The following CEP128 variants were observed in gnomAD, a reference collection of about 807,000 sequenced individuals.
CEP128 encodes the protein centrosomal protein 128, also known as centrosomal protein 128kDa.
Under a neutral mutation model 156.7 loss-of-function variants are expected in CEP128, and 132 were observed. That is an observed-to-expected ratio of 0.84 (90% CI 0.73 to 0.97). The LOEUF is 0.97. CEP128 is among the 50% of genes least tolerant of loss of function. CEP128 has a pLI of 0.00. For synonymous variants in CEP128, 469 were observed against 448.9 expected (o/e 1.04, Z -0.57); for missense variants, 1,252 against 1,281.9 (o/e 0.98, Z 0.36).
chr14:80,900,335 G>A (rs913299948), intron 6 of CEP128, among the ~76,000 whole-genome samples: 11 of 152,150 alleles, frequency 7.2e-5, no homozygotes, highest in African/African-American at 1.4e-4. Context: ...AAGAGAGAGC[G>A]AGAAAGAAGG....
chr14:80,582,439 G>A (rs562074810), intron 19 of CEP128, among the ~76,000 whole-genome samples: 2 of 152,270 alleles, frequency 1.3e-5, no homozygotes, highest in Non-Finnish European at 2.9e-5. Context: ...ACTAGAGCAG[G>A]TCTGGATGGG....
chr14:80,519,110 C>A (rs1888622452), intron 23 of CEP128, among the ~76,000 whole-genome samples: 2 of 152,214 alleles, frequency 1.3e-5, no homozygotes, highest in Admixed American at 1.3e-4. Flanking sequence ...ATAATCCCAG[C>A]TTTTGCTTCT....
chr14:80,772,418 C>T (rs1169241607), intron 16 of CEP128, among the ~76,000 whole-genome samples: 2 of 152,128 alleles, frequency 1.3e-5, no homozygotes, highest in Non-Finnish European at 2.9e-5. Context: ...TCTTCCCACT[C>T]CATCCCCCCT....
At chr14:80,850,285 C>T (rs1886824932) in intron 9 of CEP128, among the ~76,000 whole-genome samples, 1 of 152,008 alleles carries the variant, frequency 6.6e-6, no homozygotes, top group African/African-American at 2.4e-5. Flanking sequence ...GAGGCTAGTG[C>T]CAAGTACACT....
intron 19 of CEP128, among the ~76,000 whole-genome samples, chr14:80,583,219 G>A (rs1214626930): frequency 1.3e-5 from 2 of 152,148 alleles, no homozygotes; most frequent in Non-Finnish European, 2.9e-5. Flanking sequence ...ACTTGGGATG[G>A]CTGAATAAAA....
chr14:80,604,383 T>G (rs1238970991), intron 19 of CEP128, among the ~76,000 whole-genome samples: 3 of 152,226 alleles, frequency 2.0e-5, no homozygotes, highest in African/African-American at 7.2e-5. Context: ...GATATGGGAA[T>G]AGAGGAGAAG....
At chr14:80,776,968 T>C (rs1253886628) in intron 16 of CEP128, among the ~76,000 whole-genome samples, 1 of 152,130 alleles carries the variant, frequency 6.6e-6, no homozygotes, top group East Asian at 1.9e-4. Context: ...CTCAATAATT[T>C]TACACATCTA....
In CEP128 at chr14:80,535,896, T is replaced by C. The variant is rs118144126; in HGVS notation, c.2881-5010A>G. ...GATGTTTTATGTATTTCCTCTAGACTAAGGGCAAGATCAAGTGGTAGAGGC... is the reference window on the plus strand; with the variant it reads ...GATGTTTTATGTATTTCCTCTAGACCAAGGGCAAGATCAAGTGGTAGAGGC... On this transcript the variant is annotated intron_variant, in intron 21 of 24. Coordinates refer to ENST00000555265, the MANE Select transcript of CEP128 (RefSeq NM_152446.5). Among the ~76,000 whole-genome samples, 156 of 152,304 alleles carry C rather than the reference T, an allele frequency of 1.0e-3. 7 individuals carry two copies. The South Asian group carries it at 0.02, about 19-fold the overall frequency.
chr14:80,768,966 T>C (rs1269572151), intron 16 of CEP128, among the ~76,000 whole-genome samples: 1 of 152,228 alleles, frequency 6.6e-6, no homozygotes, highest in African/African-American at 2.4e-5. Flanking sequence ...AATGATACTT[T>C]ATGCATTCAT....
intron 20 of CEP128, among the ~76,000 whole-genome samples, chr14:80,575,089 T>C (rs1891301623): frequency 6.7e-6 from 1 of 149,182 alleles, no homozygotes; most frequent in African/African-American, 2.4e-5. Flanking sequence ...TATTTTATTA[T>C]AGATTTATAT....
chr14:80,560,869 G>A (rs533802873), intron 20 of CEP128, among the ~76,000 whole-genome samples: 1 of 152,206 alleles, frequency 6.6e-6, no homozygotes, highest in East Asian at 1.9e-4. Context: ...GATCGTGCAA[G>A]TTAATACTGA....
chr14:80,490,363 T>C (rs1465176691), downstream of CEP128: 1 of 152,150 alleles, frequency 6.6e-6, no homozygotes, highest in Non-Finnish European at 1.5e-5. Flanking sequence ...GCCACTGGTA[T>C]AGAGAAGAAA....
chr14:80,771,452 A>C (rs1473099605), intron 16 of CEP128, among the ~76,000 whole-genome samples: 1 of 152,176 alleles, frequency 6.6e-6, no homozygotes, highest in Non-Finnish European at 1.5e-5. Flanking sequence ...TATAACTACC[A>C]TTTTTTAAAG....
intron 19 of CEP128, among the ~76,000 whole-genome samples, chr14:80,618,424 A>G (rs1893321006): frequency 6.6e-6 from 1 of 152,266 alleles, no homozygotes; most frequent in Middle Eastern, 3.2e-3. Context: ...TGGCAAGAAG[A>G]TGGCTCTAGC....
At chr14:80,502,584 C>A (rs1887788309) in intron 24 of CEP128, among the ~76,000 whole-genome samples, 1 of 151,976 alleles carries the variant, frequency 6.6e-6, no homozygotes, top group African/African-American at 2.4e-5. Context: ...TTTCTTTACT[C>A]TTTATGGCAA....
chr14:80,944,803 CAG>C (rs1886290279), upstream of CEP128, among the ~76,000 whole-genome samples: 1 of 104,984 alleles, frequency 9.5e-6, no homozygotes, highest in South Asian at 3.4e-4. Context: ...GCCTGGGCGA[CAG>C]AGTCAAGAGT....
At chr14:80,950,192 G>A (rs994075415) in intron 2 of CEP128, among the ~76,000 whole-genome samples, 4 of 152,006 alleles carry the variant, frequency 2.6e-5, no homozygotes, top group Admixed American at 6.6e-5. Flanking sequence ...GATTCCCAGC[G>A]ACCACTAGAA....
At chr14:80,829,581 A>G (rs1885671546) in intron 13 of CEP128, among the ~76,000 whole-genome samples, 1 of 152,150 alleles carries the variant, frequency 6.6e-6, no homozygotes, top group African/African-American at 2.4e-5. Context: ...AGCCTGCATC[A>G]ATTTTAGATC....
At chr14:80,889,651 T>TAAATCCTAA (rs1287830063) in intron 8 of CEP128, among the ~76,000 whole-genome samples, 1 of 152,154 alleles carries the variant, frequency 6.6e-6, no homozygotes, top group East Asian at 1.9e-4. Context: ...GACTTAAACA[T>TAAATCCTAA]AAATCCTAAA....
Sources: allele counts gnomAD v4.1 joint callset (sites outside exome capture counted in the v4.1 genomes callset), GRCh38; gene constraint gnomAD v4.1.1; transcripts MANE v1.5; gene names NCBI Gene and HGNC (gene_info 2026-07-23, HGNC 2026-07-21).